The following SMOC1 variants were observed in gnomAD, a reference collection of about 807,000 sequenced individuals.
SMOC1 encodes SPARC-related modular calcium-binding protein 1.
A neutral mutation model predicts 56.3 loss-of-function variants in SMOC1; 22 were observed. The ratio of observed to expected loss-of-function variants is 0.39; its 90% confidence interval spans 0.28 to 0.56. SMOC1 has a LOEUF of 0.56. Among genes scored for constraint, SMOC1 ranks in the 20% least tolerant of loss-of-function variants. The pLI is 0.61. For missense variants in SMOC1, 509 were observed against 565.4 expected (o/e 0.90, Z 1.01); for synonymous variants, 193 against 215.0 (o/e 0.90, Z 0.89).
chr14:69,999,823 C>G (rs1041667809), intron 7 of SMOC1, among the ~76,000 whole-genome samples: 1 of 152,122 alleles, frequency 6.6e-6, no homozygotes, highest in East Asian at 1.9e-4. Flanking sequence ...ATTAGCTTTC[C>G]TGGTCGCCTT....
At chr14:69,951,715 G>A (rs1883000576) in intron 1 of SMOC1, among the ~76,000 whole-genome samples, 1 of 152,202 alleles carries the variant, frequency 6.6e-6, no homozygotes, top group Non-Finnish European at 1.5e-5. Context: ...TGAAGAGGCT[G>A]GACATCCTAG....
chr14:69,955,975 G>A (rs1883170535), intron 3 of SMOC1, among the ~76,000 whole-genome samples: 1 of 152,130 alleles, frequency 6.6e-6, no homozygotes, highest in Admixed American at 6.5e-5. Context: ...GTTGGTTATA[G>A]GAATGGCTGA....
chr14:69,978,217 A>G, intron 5 of SMOC1: 1 of 544,846 alleles, frequency 1.8e-6, no homozygotes, highest in South Asian at 2.1e-5. Context: ...AAGCACCTTT[A>G]GAATGTGAGC....
At chr14:70,025,453 C>T (rs533887784) in intron 11 of SMOC1, among the ~76,000 whole-genome samples, 2 of 152,238 alleles carry the variant, frequency 1.3e-5, no homozygotes, top group South Asian at 4.1e-4. Flanking sequence ...TGACTGACTT[C>T]ATTACTCTGG....
chr14:69,949,740 C>T (rs1882925191), intron 1 of SMOC1, among the ~76,000 whole-genome samples: 1 of 152,168 alleles, frequency 6.6e-6, no homozygotes, highest in Non-Finnish European at 1.5e-5. Context: ...TGTGCCCCAC[C>T]AGCAGGGAGC....
At chr14:69,898,630 T>G (rs1301840818) in intron 1 of SMOC1, among the ~76,000 whole-genome samples, 2 of 152,208 alleles carry the variant, frequency 1.3e-5, no homozygotes, top group African/African-American at 4.8e-5. Flanking sequence ...TTGCGTTTCT[T>G]TTTGATTATT....
intron 9 of SMOC1, among the ~76,000 whole-genome samples, chr14:70,011,979 C>T (rs1885357143): frequency 6.6e-6 from 1 of 152,210 alleles, no homozygotes; most frequent in Non-Finnish European, 1.5e-5. Context: ...CCCCTGGTGA[C>T]ACAGGACGAC....
chr14:69,992,362 G>A, intron 5 of SMOC1, 55 bp from the exon 6 acceptor site: 6 of 1,577,848 alleles, frequency 3.8e-6, no homozygotes, highest in South Asian at 1.1e-5. Flanking sequence ...AGAGTAGATA[G>A]TATTTACCTC....
chr14:69,954,296 C>T (rs1161232621), intron 3 of SMOC1, among the ~76,000 whole-genome samples: 1 of 152,148 alleles, frequency 6.6e-6, no homozygotes, highest in East Asian at 1.9e-4. Flanking sequence ...CTTCCACCCA[C>T]ACCTCCTGAA....
At chr14:69,946,868 T>A (rs1427913028) in intron 1 of SMOC1, among the ~76,000 whole-genome samples, 1 of 152,178 alleles carries the variant, frequency 6.6e-6, no homozygotes, top group Non-Finnish European at 1.5e-5. Context: ...TAGTGAGTAC[T>A]TGTGATATCT....
At chr14:69,909,870 GGTTTTT>G (rs1250412010) in intron 1 of SMOC1, among the ~76,000 whole-genome samples, 1 of 152,186 alleles carries the variant, frequency 6.6e-6, no homozygotes, top group Non-Finnish European at 1.5e-5. Flanking sequence ...AGACAGCAGA[GGTTTTT>G]GGGTCTAGCA....
At chr14:69,917,400 T>C (rs908419998) in intron 1 of SMOC1, among the ~76,000 whole-genome samples, 1 of 152,224 alleles carries the variant, frequency 6.6e-6, no homozygotes, top group Non-Finnish European at 1.5e-5. Flanking sequence ...TGAACTTTAC[T>C]TGCTTCTAGA....
chr14:69,993,395 G>A (rs979029438), intron 6 of SMOC1, among the ~76,000 whole-genome samples: 1 of 152,148 alleles, frequency 6.6e-6, no homozygotes, highest in Admixed American at 6.5e-5. Context: ...ATGAGGAACT[G>A]GAAGTTTGGC....
At chr14:69,904,606 C>T (rs1038955016) in intron 1 of SMOC1, among the ~76,000 whole-genome samples, 3 of 152,104 alleles carry the variant, frequency 2.0e-5, no homozygotes, top group African/African-American at 4.8e-5. Context: ...CTGAAAATGC[C>T]CAGGAGAGGT....
chr14:70,029,763 G>T (rs1886069485), intron 11 of SMOC1, among the ~76,000 whole-genome samples: 1 of 152,186 alleles, frequency 6.6e-6, no homozygotes, highest in Admixed American at 6.5e-5. Flanking sequence ...GGGGTGAAGG[G>T]ATTGGCCAGG....
At chr14:69,941,949 C>T (rs78393899) in intron 1 of SMOC1, among the ~76,000 whole-genome samples, 1,647 of 152,318 alleles carry the variant, frequency 0.011, 26 homozygotes, top group African/African-American at 0.038. Context: ...GTCAGCTGCT[C>T]TGTCCAGCAC....
At chr14:70,025,907 T>A (rs1250622830) in intron 11 of SMOC1, among the ~76,000 whole-genome samples, 5 of 152,308 alleles carry the variant, frequency 3.3e-5, no homozygotes, top group Non-Finnish European at 1.5e-5. Flanking sequence ...GTTAAAGCAT[T>A]CCCAAAGTTC....
At chr14:69,994,902 A>T (rs1361813860) in intron 7 of SMOC1, among the ~76,000 whole-genome samples, 1 of 152,102 alleles carries the variant, frequency 6.6e-6, no homozygotes, top group Admixed American at 6.6e-5. Flanking sequence ...GGGTCTTGTG[A>T]GTGGTCAAGT....
At chr14:69,883,362 C>T (rs1883699373) in intron 1 of SMOC1, among the ~76,000 whole-genome samples, 3 of 152,176 alleles carry the variant, frequency 2.0e-5, no homozygotes, top group Admixed American at 1.3e-4. Context: ...TTAGATTCCA[C>T]ATATGAGTGA....
Sources: gnomAD v4.1 joint callset for allele counts (sites outside exome capture counted in the v4.1 genomes callset) on GRCh38, gnomAD v4.1.1 for gene constraint, MANE v1.5 for transcripts, NCBI Gene and HGNC (gene_info 2026-07-23, HGNC 2026-07-21) for gene names.